KRT79: variants seen among roughly 807,000 people sequenced by gnomAD.
KRT79 encodes keratin 79.
Under a neutral mutation model 49.0 loss-of-function variants are expected in KRT79, and 51 were observed. The observed-to-expected ratio is 1.04, with a 90% CI of 0.83 to 1.31. KRT79 has a LOEUF of 1.31. Ranked by LOEUF, KRT79 falls within the 40% of genes most tolerant of loss-of-function variation. The probability of loss-of-function intolerance (pLI) is 0.00; values close to 1 mark genes in which losing one functional copy is unlikely to be tolerated. For missense variants in KRT79, 728 were observed against 688.0 expected (o/e 1.06, Z -0.65); for synonymous variants, 312 against 286.6 (o/e 1.09, Z -0.90).
In KRT79 at chr12:52,831,493, C is replaced by T. The variant is rs751727003; in HGVS notation, c.611G>A (p.Ser204Asn). ...CTCGCTCTGAAGTCTGTCCAGCGTG[C>T]TCCGCATGCTACCCAGGTAGGCCTC... ...LFEAYLGSMR[S>N]TLDRLQSERG... Residue 204 changes from serine (S) to asparagine (N), a missense_variant, in exon 2 of 9, where the codon AGC (serine) becomes AAC (asparagine). Transcript: ENST00000330553. 1 of 1,614,262 alleles carries T rather than the reference C, an allele frequency of 6.2e-7. No homozygotes were observed. Among genetic ancestry groups the T allele is most frequent in the Non-Finnish European group, 8.5e-7 (1 of 1,180,046 alleles).
chr12:52,833,673 C>T (rs1351766178), intron 1 of KRT79, 111 bp downstream of exon 1: 1 of 896,794 alleles, frequency 1.1e-6, no homozygotes, highest in African/African-American at 1.6e-5. Flanking sequence ...AGAGCTCTAT[C>T]AACCACCACC....
chr12:52,826,721 C>T (rs924067857), intron 4 of KRT79, among the ~76,000 whole-genome samples: 2 of 151,996 alleles, frequency 1.3e-5, no homozygotes, highest in Admixed American at 1.3e-4. Context: ...TCCACAGATG[C>T]CCCAGGCCAG....
At position 52,833,921 on chromosome 12, in the gene KRT79, T is replaced by A; in HGVS notation, c.340A>T (p.Ile114Phe). ...TFGPACPPGG[I>F]QEVTVNQSLL... Reference sequence around the variant, plus strand: ...CTCTGGTTGACAGTGACCTCCTGGATCCCCCCAGGAGGACAAGCAGGCCCA... The same window carrying A: ...CTCTGGTTGACAGTGACCTCCTGGAACCCCCCAGGAGGACAAGCAGGCCCA... The change falls in exon 1 of 9, where the codon ATC becomes TTC. Residue 114 changes from isoleucine to phenylalanine, a missense_variant. By Grantham distance (21) the Ile-to-Phe change is conservative. Coordinates refer to ENST00000330553, the MANE Select transcript of KRT79 (RefSeq NM_175834.3). The A allele has an allele frequency of 1.2e-6, 2 of 1,611,970 alleles. No homozygotes were observed. The highest frequency in any genetic ancestry group is 1.7e-6 in the Non-Finnish European group (2 of 1,178,810).
Position 52,831,631 on chromosome 12 carries a change from G to A in KRT79, c.478-5C>T, listed in dbSNP as rs1324637817. Reference sequence around the variant, plus strand: ...CTGTTGCTCCAGGAACCGCACCTGAGCCAGAGCAGAAAGGGTGGGCTGATG... The same window carrying A: ...CTGTTGCTCCAGGAACCGCACCTGAACCAGAGCAGAAAGGGTGGGCTGATG... On this transcript the variant is annotated splice_polypyrimidine_tract_variant and splice_region_variant and intron_variant, in intron 1 of 8. Coordinates refer to ENST00000330553, the MANE Select transcript of KRT79 (RefSeq NM_175834.3). The A allele has an allele frequency of 6.2e-7, 1 of 1,612,834 alleles. No homozygotes were observed. Among genetic ancestry groups the A allele is most frequent in the East Asian group, 2.2e-5 (1 of 44,864 alleles).
chr12:52,834,168 G>T lies in KRT79; in HGVS notation c.93C>A (p.Thr31=). ...ASGGSGSQAR[T]SFSSVTVSRS... ...GAGACACCGTCACTGAGCTGAAGCT[G>T]GTGCGGGCCTGGGACCCACTCCCTC... Residue 31 remains threonine (T), a synonymous_variant, in exon 1 of 9, where the codon ACC becomes ACA. Transcript: ENST00000330553. The T allele has an allele frequency of 6.2e-7, 1 of 1,613,726 alleles. No homozygotes were observed. The highest frequency in any genetic ancestry group is 8.5e-7 in the Non-Finnish European group (1 of 1,179,932).
rs749465670 is a variant in KRT79 at position 52,834,048 on chromosome 12, G to A, written c.213C>T (p.Ile71=). The A allele has an allele frequency of 1.4e-5, 22 of 1,613,352 alleles. No individual in the cohort carries two copies. Among genetic ancestry groups the A allele is most frequent in the Non-Finnish European group, 1.3e-5 (15 of 1,179,760 alleles). ...SLYNLGGHKS[I]SVSVAGGALL... is the part of the protein sequence containing the mutation. The stretch of plus-strand genomic sequence containing the variant: ...AGGCCCCTCCGGCCACACTGACAGA[G>A]ATACTCTTGTGGCCCCCCAAGTTAT... The change falls in exon 1 of 9, where the codon ATC becomes ATT. Residue 71 remains isoleucine, a synonymous_variant. Coordinates refer to ENST00000330553, the MANE Select transcript of KRT79 (RefSeq NM_175834.3).
In KRT79 at chr12:52,822,354, C is replaced by G; in HGVS notation, c.1393G>C (p.Val465Leu). The change falls in exon 8 of 9, where the codon GTC becomes CTC. Residue 465 changes from valine to leucine, a missense_variant. Val to Leu is a conservative substitution (Grantham distance 32). Coordinates refer to ENST00000330553, the MANE Select transcript of KRT79 (RefSeq NM_175834.3). ...GGGAGTAAATACTCACAAATGCTGA[C>G]TGCACTGGGACATTCTCCAGACATC... ...SRMSGECPSA[V>L]SISVTGNSTT... 1 of 1,606,252 alleles carries G rather than the reference C, an allele frequency of 6.2e-7. No individual in the cohort carries two copies. Among genetic ancestry groups the G allele is most frequent in the Non-Finnish European group, 8.5e-7 (1 of 1,176,132 alleles).
chr12:52,824,467 T>TCTTGTCCAGGCTC, intron 4 of KRT79, 105 bp from the exon 5 acceptor site: 1 of 1,164,252 alleles, frequency 8.6e-7, no homozygotes. Flanking sequence ...AGGCCTGTGC[T>TCTTGTCCAGGCTC]CTTGTCCAGG....
In KRT79 at chr12:52,824,649, G is replaced by A. The variant is rs112595993; in HGVS notation, c.856-287C>T. ...ACTCTCTGCACTAACACTGGTGCCCGGCACTGTGCTAGCACATTCACTAAC... is the reference window on the plus strand; with the variant it reads ...ACTCTCTGCACTAACACTGGTGCCCAGCACTGTGCTAGCACATTCACTAAC... On this transcript the variant is annotated intron_variant, in intron 4 of 8. Coordinates refer to ENST00000330553, the MANE Select transcript of KRT79 (RefSeq NM_175834.3). Among the ~76,000 whole-genome samples, 637 of 152,312 alleles carry A rather than the reference G, an allele frequency of 4.2e-3. 1 individual carries two copies. Among genetic ancestry groups the A allele is most frequent in the Middle Eastern group, 0.02 (6 of 294 alleles).
chr12:52,829,950 T>C (rs1201197205), intron 4 of KRT79, 73 bp downstream of exon 4: 4 of 1,288,130 alleles, frequency 3.1e-6, no homozygotes, highest in Middle Eastern at 1.8e-4. Flanking sequence ...TGAATTCAGG[T>C]CAGACCTCCA....
chr12:52,831,245 C>T (rs1320729223), intron 2 of KRT79, among the ~76,000 whole-genome samples, 161 bp downstream of exon 2: 2 of 152,218 alleles, frequency 1.3e-5, no homozygotes, highest in Non-Finnish European at 2.9e-5. Context: ...GCCAATTCTC[C>T]AGGTGGCAGC....
chr12:52,822,397 G>A lies in KRT79; in HGVS notation c.1368-18C>T, dbSNP rs1372089597. The A allele has an allele frequency of 1.3e-6, 2 of 1,563,660 alleles. No homozygotes were observed. Among genetic ancestry groups the A allele is most frequent in the African/African-American group, 2.7e-5 (2 of 73,744 alleles). On this transcript the variant is annotated intron_variant, in intron 7 of 8. Coordinates refer to ENST00000330553, the MANE Select transcript of KRT79 (RefSeq NM_175834.3). ...CAGACATCCTAGGGGACACAGAAAG[G>A]CCAGGAGAGCAGTCAGTTATCCCTG...
chr12:52,823,182 G>A lies in KRT79; in HGVS notation c.1201C>T (p.Leu401Phe). ...CCAAGCTTCTTCTGAGCATCCTTGA[G>A]TGCCAGCTCCCCACGCTGCTCCGCT... is the stretch of plus-strand genomic sequence containing the variant. ...AEAEQRGELA[L>F]KDAQKKLGDL... The change falls in exon 7 of 9, where the codon CTC becomes TTC. Residue 401 changes from leucine to phenylalanine, a missense_variant. Physicochemically the swap from Leu to Phe is conservative, Grantham distance 22. Coordinates refer to ENST00000330553, the MANE Select transcript of KRT79 (RefSeq NM_175834.3). The A allele has an allele frequency of 6.2e-7, 1 of 1,614,208 alleles. No individual in the cohort carries two copies. The highest frequency in any genetic ancestry group is 2.2e-5 in the East Asian group (1 of 44,884).
Position 52,830,292 on chromosome 12 carries a change from C to A in KRT79, c.699G>T (p.Lys233Asn). Residue 233 changes from lysine to asparagine, a missense_variant and splice_region_variant, in exon 3 of 9, where the codon AAG (lysine) becomes AAT (asparagine). Transcript: ENST00000330553. ...TGTGCTTGTTGATTTCATCCTCGTACCTGTTACACATGGGAGACTCAGGCC... is the reference window on the plus strand; with the variant it reads ...TGTGCTTGTTGATTTCATCCTCGTAACTGTTACACATGGGAGACTCAGGCC... Reference protein sequence around the residue: ...VQDLVEDFKNKYEDEINKHTA... With the variant: ...VQDLVEDFKNNYEDEINKHTA... 3 of 1,614,154 alleles carry A rather than the reference C, an allele frequency of 1.9e-6. No individual in the cohort carries two copies. The highest frequency in any genetic ancestry group is 2.5e-6 in the Non-Finnish European group (3 of 1,179,992).
At chr12:52,831,381 G>T (rs74094212) in intron 2 of KRT79, 25 bp downstream of exon 2, 3 of 1,606,654 alleles carry the variant, frequency 1.9e-6, no homozygotes, top group Non-Finnish European at 2.6e-6. Flanking sequence ...CTCCCACATG[G>T]CCCCGCCTGG....
rs747706053 is a variant in KRT79, at chr12:52,831,514, G to A, written c.590C>T (p.Ala197Val). 1.2e-6 allele frequency: 2 copies of A among 1,614,208 alleles called. No individual in the cohort carries two copies. The highest frequency in any genetic ancestry group is 1.7e-5 in the Admixed American group (1 of 60,030). ...CGTGCTCCGCATGCTACCCAGGTAG[G>A]CCTCAAAGAGGGGCTCCAGGTTGTT... is the stretch of plus-strand genomic sequence containing the variant. ...TRNNLEPLFE[A>V]YLGSMRSTLD... Residue 197 changes from alanine to valine, a missense_variant, in exon 2 of 9, where the codon GCC (alanine) becomes GTC (valine). Physicochemically the swap from Ala to Val is moderately conservative, Grantham distance 64 (BLOSUM62 0). Transcript: ENST00000330553.
At chr12:52,832,745 C>G (rs1286293926) in intron 1 of KRT79, among the ~76,000 whole-genome samples, 1 of 152,164 alleles carries the variant, frequency 6.6e-6, no homozygotes, top group Non-Finnish European at 1.5e-5. Context: ...TGAGCAGTAA[C>G]AACTCTTAGT....
At chr12:52,832,795 C>T (rs1030639854) in intron 1 of KRT79, among the ~76,000 whole-genome samples, 3 of 152,232 alleles carry the variant, frequency 2.0e-5, no homozygotes, top group East Asian at 3.9e-4. Flanking sequence ...GTCCCAGTCC[C>T]GCCTCTGCCT....
rs189130045 is a variant in KRT79 at position 52,821,685 on chromosome 12, G to T, written c.*187C>A. On this transcript the variant is annotated 3_prime_UTR_variant, in exon 9 of 9. Coordinates refer to ENST00000330553, the MANE Select transcript of KRT79 (RefSeq NM_175834.3). ...CTTTAACCTTCCCTCCCATCCTACTGCAGGACCAAGGAGAAAACCTGAGTA... is the reference window on the plus strand; with the variant it reads ...CTTTAACCTTCCCTCCCATCCTACTTCAGGACCAAGGAGAAAACCTGAGTA... 62 of 617,198 alleles carry T rather than the reference G, an allele frequency of 1.0e-4. No individual in the cohort carries two copies. Among genetic ancestry groups the T allele is most frequent in the African/African-American group, 9.7e-4 (53 of 54,438 alleles). 38.2% of individuals were successfully genotyped at this position (617,198 alleles called of 1,614,324 possible). A position where few individuals can be genotyped will look rare whatever the true frequency, so the allele number is the denominator to read the frequency against.
Sources: gnomAD v4.1 joint callset for allele counts (sites outside exome capture counted in the v4.1 genomes callset) on GRCh38, gnomAD v4.1.1 for gene constraint, MANE v1.5 for transcripts, NCBI Gene and HGNC (gene_info 2026-07-23, HGNC 2026-07-21) for gene names.